Variants in LIMCH1 observed in about 807,000 individuals in gnomAD.
The protein encoded by LIMCH1 is LIM and calponin homology domains 1.
LIMCH1 carries 113 observed loss-of-function variants against 176.5 expected under a neutral mutation model. That is an observed-to-expected ratio of 0.64 (90% CI 0.55 to 0.75). LIMCH1 has a LOEUF of 0.75. Among genes scored for constraint, LIMCH1 ranks in the 30% least tolerant of loss-of-function variants. The pLI, the probability that LIMCH1 is intolerant of heterozygous loss-of-function variation, is 0.00. For missense variants in LIMCH1, 1,674 were observed against 1,814.9 expected, an observed-to-expected ratio of 0.92 and a Z score of 1.41; for synonymous variants, 619 against 645.9, an observed-to-expected ratio of 0.96 and a Z score of 0.63.
At chr4:41,381,762 A>G (rs1161747551) in intron 1 of LIMCH1, among the ~76,000 whole-genome samples, 2 of 152,130 alleles carry the variant, frequency 1.3e-5, no homozygotes, top group Non-Finnish European at 2.9e-5. Context: ...GACAAAGCCA[A>G]ATTGCCCCAC....
chr4:41,549,059 A>G (rs1030439476), intron 1 of LIMCH1, among the ~76,000 whole-genome samples: 1 of 147,022 alleles, frequency 6.8e-6, no homozygotes, highest in Non-Finnish European at 1.5e-5. Flanking sequence ...CCTACTGTTA[A>G]TTTTTTTTTT....
At chr4:41,490,938 C>A (rs1449021481) in intron 1 of LIMCH1, among the ~76,000 whole-genome samples, 1 of 145,316 alleles carries the variant, frequency 6.9e-6, no homozygotes, top group African/African-American at 2.6e-5. Flanking sequence ...CCAGACGGGG[C>A]GGCCGGGCAG....
At chr4:41,467,717 C>T (rs1226265419) in intron 1 of LIMCH1, among the ~76,000 whole-genome samples, 1 of 152,188 alleles carries the variant, frequency 6.6e-6, no homozygotes, top group Non-Finnish European at 1.5e-5. Context: ...GAATTCAGAT[C>T]TGGCACATGG....
chr4:41,640,372 C>A (rs566931028), intron 14 of LIMCH1, among the ~76,000 whole-genome samples: 19 of 152,248 alleles, frequency 1.2e-4, no homozygotes, highest in Admixed American at 3.3e-4. Context: ...TTAAAATAGA[C>A]CCCTGGGAAA....
chr4:41,513,852 G>A (rs2075234293), intron 2 of LIMCH1, among the ~76,000 whole-genome samples: 1 of 146,266 alleles, frequency 6.8e-6, no homozygotes, highest in Non-Finnish European at 1.6e-5. Context: ...TAAAAAATAT[G>A]AAAAGTAGCC....
intron 1 of LIMCH1, among the ~76,000 whole-genome samples, chr4:41,572,510 A>G (rs531818992): frequency 1.3e-5 from 2 of 152,348 alleles, no homozygotes; most frequent in Admixed American, 6.5e-5. Context: ...AGTGAAGTAA[A>G]TAAAAAGAAG....
intron 1 of LIMCH1, among the ~76,000 whole-genome samples, chr4:41,557,340 G>A (rs1242457665): frequency 1.3e-5 from 2 of 152,080 alleles, no homozygotes; most frequent in African/African-American, 4.8e-5. Flanking sequence ...ATACAAGGGA[G>A]CCTCATGTAC....
rs570736448 is a variant in LIMCH1, at chr4:41,367,300, C to G, written c.96+6364C>G. 2.6e-5 allele frequency among the ~76,000 whole-genome samples: 4 copies of G among 152,314 alleles called. No individual in the cohort carries two copies. In the South Asian group the frequency reaches 6.2e-4, roughly 24 times the overall value. On this transcript the variant is annotated intron_variant, in intron 1 of 26. Coordinates refer to the LIMCH1 transcript ENST00000313860. ...AAAATGCACCTAAGAAATAACTTGG[C>G]TGATACCTTTTCCCACTGTCAGCAA...
intron 23 of LIMCH1, among the ~76,000 whole-genome samples, chr4:41,677,737 TAC>T (rs1712056020): frequency 6.6e-6 from 1 of 152,208 alleles, no homozygotes; most frequent in Non-Finnish European, 1.5e-5. Context: ...TGCCCAAGGT[TAC>T]ACAACTAATA....
At chr4:41,426,282 A>T (rs2061095467) in intron 1 of LIMCH1, among the ~76,000 whole-genome samples, 1 of 152,054 alleles carries the variant, frequency 6.6e-6, no homozygotes, top group Non-Finnish European at 1.5e-5. Flanking sequence ...CGGCCTCCCA[A>T]AGTGCTGGGA....
chr4:41,542,183 T>C (rs972320969), intron 1 of LIMCH1, among the ~76,000 whole-genome samples: 26 of 152,090 alleles, frequency 1.7e-4, no homozygotes, highest in Admixed American at 1.6e-3. Flanking sequence ...TCATTTCATC[T>C]TCCTCGTTTC....
chr4:41,567,723 T>A (rs765655920), intron 1 of LIMCH1, among the ~76,000 whole-genome samples: 4 of 152,186 alleles, frequency 2.6e-5, no homozygotes, highest in Non-Finnish European at 4.4e-5. Flanking sequence ...AGAATCCAGG[T>A]CTTTTTGTGT....
At position 41,650,430 on chromosome 4, in the gene LIMCH1, A is replaced by G. The variant is rs1323481393; in HGVS notation, c.2858A>G (p.His953Arg). ...GTCAGTGTGAATGGAGAGACGGTTCATAGAGAGGAGGAGAAGGAAAGAGAG... is the reference window on the plus strand; with the variant it reads ...GTCAGTGTGAATGGAGAGACGGTTCGTAGAGAGGAGGAGAAGGAAAGAGAG... ...GKVSVNGETV[H>R]REEEKERECP... The change falls in exon 18 of 32, where the codon CAT becomes CGT. Residue 953 changes from histidine to arginine, a missense_variant. Around this residue, in one of 3 missense-constraint regions of LIMCH1, gnomAD observed 1,015 missense variants for 1,102.5 expected, o/e 0.92. Transcript: ENST00000503057. 6.2e-7 allele frequency: 1 copy of G among 1,614,156 alleles called. No homozygotes were observed. Among genetic ancestry groups the G allele is most frequent in the Admixed American group, 1.7e-5 (1 of 60,020 alleles).
In LIMCH1 at chr4:41,651,264, CA is replaced by C. The variant is rs565985446; in HGVS notation, c.3036+660del. Among the ~76,000 whole-genome samples, 157 of 152,234 alleles carry C rather than the reference CA, an allele frequency of 1.0e-3. 1 individual carries two copies. The Middle Eastern group carries it at 0.017, about 16-fold the overall frequency. ...AAGTGATCCACCCACCTCAGCCTCC[CA>C]AAAGTGCTGGGATTACAGGCATGAG... On this transcript the variant is annotated intron_variant, in intron 18 of 31. Coordinates refer to ENST00000503057, the MANE Select transcript of LIMCH1 (RefSeq NM_001330672.2).
At chr4:41,562,281 G>GGGTGTACGAGTTTTCCTTACTTT (rs1247709292) in intron 1 of LIMCH1, among the ~76,000 whole-genome samples, 1 of 152,108 alleles carries the variant, frequency 6.6e-6, no homozygotes. Flanking sequence ...AGAGTGATTG[G>GGGTGTACGAGTTTTCCTTACTTT]GGTGTACGAG....
At chr4:41,509,510 A>G (rs1276449606) in intron 2 of LIMCH1, among the ~76,000 whole-genome samples, 2 of 152,160 alleles carry the variant, frequency 1.3e-5, no homozygotes, top group Non-Finnish European at 2.9e-5. Context: ...CCAAATCACA[A>G]TTGGCCACGC....
intron 1 of LIMCH1, among the ~76,000 whole-genome samples, chr4:41,428,785 A>G (rs1214519355): frequency 2.0e-5 from 3 of 152,080 alleles, no homozygotes; most frequent in Admixed American, 1.3e-4. Context: ...CTTGGTATCT[A>G]AGTCATTTCC....
At chr4:41,575,815 T>A (rs1314109845) in intron 1 of LIMCH1, among the ~76,000 whole-genome samples, 1 of 152,210 alleles carries the variant, frequency 6.6e-6, no homozygotes. Context: ...ACTCCCAGCC[T>A]GTTGATCTTA....
intron 20 of LIMCH1, among the ~76,000 whole-genome samples, chr4:41,663,526 G>A (rs1424222942): frequency 2.0e-5 from 3 of 152,024 alleles, no homozygotes; most frequent in Non-Finnish European, 4.4e-5. Flanking sequence ...TGATGCCACT[G>A]GATTTGGATA....
Sources: allele counts gnomAD v4.1 joint callset (sites outside exome capture counted in the v4.1 genomes callset), GRCh38; gene constraint gnomAD v4.1.1; regional missense constraint gnomAD v4.1.1; transcripts MANE v1.5; gene names NCBI Gene and HGNC (gene_info 2026-07-23, HGNC 2026-07-21).